Variants in MITF observed in about 807,000 individuals in gnomAD.
MITF encodes melanocyte inducing transcription factor.
In MITF, 17 loss-of-function variants were observed where a neutral mutation model predicts 60.5. That is an observed-to-expected ratio of 0.28 (90% CI 0.19 to 0.42). The LOEUF is 0.42. Ranked by LOEUF, MITF falls within the 10% of genes least tolerant of loss-of-function variation. The pLI, the probability that MITF is intolerant of heterozygous loss-of-function variation, is 1.00. For missense variants in MITF, 622 were observed against 683.5 expected, an observed-to-expected ratio of 0.91 and a Z score of 1.00; for synonymous variants, 260 against 248.5, an observed-to-expected ratio of 1.05 and a Z score of -0.43.
At chr3:69,852,796 T>C (rs2063847806) in intron 1 of MITF, among the ~76,000 whole-genome samples, 1 of 152,206 alleles carries the variant, frequency 6.6e-6, no homozygotes, top group Non-Finnish European at 1.5e-5. Flanking sequence ...GAGTGTGCCA[T>C]TTGCTCTGTT....
chr3:69,908,854 G>A (rs12107405), intron 2 of MITF, among the ~76,000 whole-genome samples: 2,348 of 152,234 alleles, frequency 0.015, 29 homozygotes, highest in Middle Eastern at 0.051. Flanking sequence ...TTTGTATTAA[G>A]GTTAGTTCCT....
chr3:69,765,752 C>G (rs1489251680), intron 1 of MITF, among the ~76,000 whole-genome samples: 1 of 152,140 alleles, frequency 6.6e-6, no homozygotes, highest in Non-Finnish European at 1.5e-5. Context: ...ACCTTTTAAG[C>G]ACTGATTTGC....
At chr3:69,863,280 T>G (rs2064049876) in intron 1 of MITF, among the ~76,000 whole-genome samples, 1 of 152,314 alleles carries the variant, frequency 6.6e-6, no homozygotes, top group East Asian at 1.9e-4. Context: ...ATCTCATGAA[T>G]TTTGTATATG....
At chr3:69,928,907 A>G (rs1028474502) in intron 2 of MITF, among the ~76,000 whole-genome samples, 1 of 152,146 alleles carries the variant, frequency 6.6e-6, no homozygotes, top group African/African-American at 2.4e-5. Context: ...ACAGGGCCCT[A>G]CTGGCTTGTT....
At chr3:69,878,033 A>G (rs997539717) in intron 1 of MITF, among the ~76,000 whole-genome samples, 2 of 152,190 alleles carry the variant, frequency 1.3e-5, no homozygotes, top group Non-Finnish European at 2.9e-5. Flanking sequence ...AATAATAGTG[A>G]CAGCAAACAT....
At chr3:69,752,873 C>T (rs578124339) in intron 1 of MITF, among the ~76,000 whole-genome samples, 5 of 152,194 alleles carry the variant, frequency 3.3e-5, no homozygotes, top group African/African-American at 4.8e-5. Context: ...GCCTCACTCC[C>T]CTTTTGCCTT....
At chr3:69,765,349 A>T (rs1478238198) in intron 1 of MITF, among the ~76,000 whole-genome samples, 1 of 152,186 alleles carries the variant, frequency 6.6e-6, no homozygotes, top group African/African-American at 2.4e-5. Flanking sequence ...ATGAGTGCTT[A>T]CTTGGTGTTT....
In MITF at chr3:69,739,531, C is replaced by T. The variant is rs1703446053; in HGVS notation, c.-67C>T. On this transcript the variant is annotated 5_prime_UTR_variant, in exon 1 of 10. Coordinates refer to ENST00000352241, the MANE Select transcript of MITF (RefSeq NM_001354604.2). ...CACGGCTCGGGGGACCCAGGCCCAG[C>T]TACCTTCCCTCCGCCCCCGGGCTCT... 1 of 1,422,610 alleles carries T rather than the reference C, an allele frequency of 7.0e-7. No individual in the cohort carries two copies. Among genetic ancestry groups the T allele is most frequent in the Non-Finnish European group, 9.7e-7 (1 of 1,030,062 alleles). 88.1% of individuals were successfully genotyped at this position (1,422,610 alleles called of 1,614,324 possible). A position where few individuals can be genotyped will look rare whatever the true frequency, so the allele number is the denominator to read the frequency against.
intron 1 of MITF, among the ~76,000 whole-genome samples, chr3:69,865,213 C>T (rs191277397): frequency 3.9e-4 from 60 of 152,224 alleles, no homozygotes; most frequent in African/African-American, 1.4e-3. Context: ...CATTATATCA[C>T]GTAATTTGAG....
intron 1 of MITF, among the ~76,000 whole-genome samples, chr3:69,789,109 G>C (rs533263139): frequency 6.6e-6 from 1 of 151,990 alleles, no homozygotes; most frequent in Non-Finnish European, 1.5e-5. Context: ...TCTTCTAGGT[G>C]CTAGAAAAAA....
At chr3:69,963,970 C>CTTTTTTTTTTTTTT (rs56921812) in intron 9 of MITF, among the ~76,000 whole-genome samples, 31 of 86,110 alleles carry the variant, frequency 3.6e-4, no homozygotes, top group African/African-American at 4.8e-4. Context: ...TTTTTCTTTT[C>CTTTTTTTTTTTTTT]TTTTTTTTTT....
At chr3:69,750,471 CTTT>C (rs199909971) in intron 1 of MITF, among the ~76,000 whole-genome samples, 13 of 123,796 alleles carry the variant, frequency 1.1e-4, no homozygotes, top group Non-Finnish European at 1.2e-4. Flanking sequence ...AGTGACACTC[CTTT>C]TTTTTTTTTT....
At chr3:69,949,398 G>A (rs1019239834) in intron 6 of MITF, among the ~76,000 whole-genome samples, 4 of 151,836 alleles carry the variant, frequency 2.6e-5, no homozygotes, top group African/African-American at 9.7e-5. Context: ...ACTGGGAATC[G>A]GGGCCACCAT....
At chr3:69,920,733 C>T (rs369688654) in intron 2 of MITF, among the ~76,000 whole-genome samples, 60 of 152,274 alleles carry the variant, frequency 3.9e-4, no homozygotes, top group East Asian at 1.5e-3. Flanking sequence ...GCCAGACATT[C>T]GGGGCCACTA....
At chr3:69,783,151 G>T (rs1237083104) in intron 1 of MITF, among the ~76,000 whole-genome samples, 1 of 152,134 alleles carries the variant, frequency 6.6e-6, no homozygotes, top group East Asian at 1.9e-4. Context: ...TTCATTTAAT[G>T]CATGTGAACA....
chr3:69,909,745 G>A (rs1381404059), intron 2 of MITF, among the ~76,000 whole-genome samples: 10 of 152,156 alleles, frequency 6.6e-5, no homozygotes, highest in Admixed American at 1.3e-4. Flanking sequence ...AGATGATTTA[G>A]GGTATCTGGC....
intron 1 of MITF, among the ~76,000 whole-genome samples, chr3:69,846,149 T>G (rs2874180): frequency 0.5 from 74,356 of 148,362 alleles, 20,088 homozygotes; most frequent in Non-Finnish European, 0.63. Context: ...TTTTTTTTTT[T>G]AACAGAGATC....
intron 2 of MITF, among the ~76,000 whole-genome samples, chr3:69,880,032 G>A (rs1030829978): frequency 2.3e-4 from 33 of 144,850 alleles, no homozygotes; most frequent in Admixed American, 9.4e-4. Context: ...CATCTCACAC[G>A]TGTCTTCCAC....
intron 1 of MITF, among the ~76,000 whole-genome samples, chr3:69,798,462 G>A (rs1302625713): frequency 6.6e-6 from 1 of 152,154 alleles, no homozygotes; most frequent in Non-Finnish European, 1.5e-5. Flanking sequence ...AAAGCGCATA[G>A]CATGGTTCCT....
Sources: gnomAD v4.1 joint callset for allele counts (sites outside exome capture counted in the v4.1 genomes callset) on GRCh38, gnomAD v4.1.1 for gene constraint, MANE v1.5 for transcripts, NCBI Gene and HGNC (gene_info 2026-07-23, HGNC 2026-07-21) for gene names.